NAALADL2: variants seen among roughly 807,000 people sequenced by gnomAD.
NAALADL2 encodes the protein N-acetylated alpha-linked acidic dipeptidase like 2.
Under a neutral mutation model 87.2 loss-of-function variants are expected in NAALADL2, and 76 were observed. The observed-to-expected ratio is 0.87, with a 90% CI of 0.72 to 1.05. The LOEUF (loss-of-function observed/expected upper bound fraction) is 1.05. Among genes scored for constraint, NAALADL2 ranks in the 50% least tolerant of loss-of-function variants. The pLI is 0.00. For missense variants in NAALADL2, 1,089 were observed against 945.8 expected (o/e 1.15, Z -1.99); for synonymous variants, 354 against 331.0 (o/e 1.07, Z -0.75).
At chr3:175,105,580 A>T (rs1553775294) in intron 2 of NAALADL2, among the ~76,000 whole-genome samples, 1 of 149,404 alleles carries the variant, frequency 6.7e-6, no homozygotes, top group Non-Finnish European at 1.5e-5. Context: ...TCATACACAC[A>T]CACATACACA....
chr3:175,046,482 T>C (rs1307974658), intron 1 of NAALADL2, among the ~76,000 whole-genome samples: 1 of 152,128 alleles, frequency 6.6e-6, no homozygotes, highest in Non-Finnish European at 1.5e-5. Flanking sequence ...GAATGTCTGG[T>C]TTATCTAAGC....
At chr3:175,697,776 C>A (rs143751990) in intron 11 of NAALADL2, among the ~76,000 whole-genome samples, 1,823 of 141,804 alleles carry the variant, frequency 0.013, 41 homozygotes, top group African/African-American at 0.046. Flanking sequence ...TACATATATA[C>A]ATATATATGT....
chr3:174,472,232 T>G (rs1716950181), intron 1 of NAALADL2, among the ~76,000 whole-genome samples: 1 of 152,220 alleles, frequency 6.6e-6, no homozygotes, highest in African/African-American at 2.4e-5. Context: ...AGTTGGCTCT[T>G]AGCTATGTTT....
At chr3:174,610,616 A>AT (rs1719727647) in intron 2 of NAALADL2, among the ~76,000 whole-genome samples, 1 of 152,110 alleles carries the variant, frequency 6.6e-6, no homozygotes, top group Non-Finnish European at 1.5e-5. Flanking sequence ...CCACAATGAG[A>AT]TACCATCTCA....
intron 2 of NAALADL2, among the ~76,000 whole-genome samples, chr3:174,611,161 G>C (rs866339234): frequency 2.2e-5 from 3 of 137,022 alleles, no homozygotes; most frequent in African/African-American, 8.3e-5. Context: ...TCTGGGGACT[G>C]TTGTGAGGTG....
intron 1 of NAALADL2, among the ~76,000 whole-genome samples, chr3:174,904,690 A>G (rs1355928889): frequency 6.6e-6 from 1 of 151,880 alleles, no homozygotes; most frequent in Non-Finnish European, 1.5e-5. Context: ...TACAAATGAA[A>G]GAGCATCCTA....
chr3:175,232,907 A>AG (rs11452572), intron 2 of NAALADL2, among the ~76,000 whole-genome samples: 103,155 of 151,960 alleles, frequency 0.68, 35,510 homozygotes, highest in Non-Finnish European at 0.73. Flanking sequence ...ATTAAAAAAA[A>AG]ACTTTCTCAG....
intron 9 of NAALADL2, among the ~76,000 whole-genome samples, chr3:175,542,631 A>G (rs1418202911): frequency 1.3e-5 from 2 of 152,184 alleles, no homozygotes; most frequent in African/African-American, 4.8e-5. Context: ...AAGTGCTGGG[A>G]TTACAGGCGT....
chr3:175,434,684 A>G (rs2149175060), intron 5 of NAALADL2, among the ~76,000 whole-genome samples: 1 of 152,172 alleles, frequency 6.6e-6, no homozygotes, highest in South Asian at 2.1e-4. Context: ...GCTATCTGTT[A>G]AAAATGTAAA....
At chr3:175,056,703 A>G (rs1172286663) in intron 1 of NAALADL2, among the ~76,000 whole-genome samples, 1 of 152,244 alleles carries the variant, frequency 6.6e-6, no homozygotes, top group African/African-American at 2.4e-5. Flanking sequence ...TATAGATTAT[A>G]GATTAACTAA....
intron 2 of NAALADL2, among the ~76,000 whole-genome samples, chr3:174,638,281 A>G (rs920823745): frequency 5.3e-5 from 8 of 152,194 alleles, no homozygotes; most frequent in African/African-American, 2.4e-5. Context: ...TTGGTAGGCC[A>G]TGGAGATAAC....
At chr3:175,726,909 G>A (rs914980813) in intron 11 of NAALADL2, among the ~76,000 whole-genome samples, 3 of 152,250 alleles carry the variant, frequency 2.0e-5, no homozygotes, top group East Asian at 1.9e-4. Flanking sequence ...ATCATGAGTT[G>A]CCTTCTTCTT....
intron 3 of NAALADL2, among the ~76,000 whole-genome samples, chr3:174,810,082 A>G (rs1465526253): frequency 6.6e-6 from 1 of 152,178 alleles, no homozygotes; most frequent in Admixed American, 6.5e-5. Flanking sequence ...AGCCTACAGA[A>G]CTGTGAGCCA....
chr3:175,292,544 T>C (rs1755761691), intron 4 of NAALADL2, among the ~76,000 whole-genome samples: 1 of 151,632 alleles, frequency 6.6e-6, no homozygotes, highest in Non-Finnish European at 1.5e-5. Flanking sequence ...TTGTCAGTGA[T>C]ACATTTAAAA....
chr3:175,389,394 T>G lies in NAALADL2; in HGVS notation c.1091-57835T>G, dbSNP rs147444872. Among the ~76,000 whole-genome samples, 342 of 152,318 alleles carry G rather than the reference T, an allele frequency of 2.2e-3. 2 individuals carry two copies. Among genetic ancestry groups the G allele is most frequent in the African/African-American group, 7.8e-3 (325 of 41,568 alleles). On this transcript the variant is annotated intron_variant, in intron 5 of 13. Coordinates refer to ENST00000454872, the MANE Select transcript of NAALADL2 (RefSeq NM_207015.3). ...CATCCACATTCTATTTGTTTATTTA[T>G]TTATTGTTCTGGCTTTATAAGTTAA... is the stretch of plus-strand genomic sequence containing the variant.
intron 11 of NAALADL2, among the ~76,000 whole-genome samples, chr3:175,691,376 G>A (rs116132328): frequency 0.025 from 3,720 of 150,518 alleles, 172 homozygotes; most frequent in African/African-American, 0.085. Flanking sequence ...TTATAATTTC[G>A]GATTCACTGT....
chr3:175,080,610 T>G (rs1243744225), intron 1 of NAALADL2, among the ~76,000 whole-genome samples: 1 of 152,210 alleles, frequency 6.6e-6, no homozygotes, highest in Non-Finnish European at 1.5e-5. Context: ...TACACATTAT[T>G]GGCTATAGGA....
chr3:175,097,124 A>G lies in NAALADL2; in HGVS notation c.378A>G (p.Leu126=), dbSNP rs776618339. ...KSNRCNFCHV[L]KILCTATILF... is the part of the protein sequence containing the mutation. ...ATCGCTGCAACTTTTGCCACGTCTT[A>G]AAAATACTTTGCACAGCCACCATTT... The change falls in exon 2 of 14, where the codon TTA becomes TTG. Residue 126 remains leucine (L), a synonymous_variant. Transcript: ENST00000454872. 3.1e-6 allele frequency: 5 copies of G among 1,613,676 alleles called. No individual in the cohort carries two copies. In the Admixed American group the frequency reaches 8.3e-5, roughly 27 times the overall value.
chr3:174,479,550 A>C (rs1023658618), intron 1 of NAALADL2, among the ~76,000 whole-genome samples: 14 of 152,112 alleles, frequency 9.2e-5, no homozygotes, highest in African/African-American at 3.4e-4. Context: ...TTTGAGGGGC[A>C]GGCGGGTGCA....
Sources: gnomAD v4.1 joint callset for allele counts (sites outside exome capture counted in the v4.1 genomes callset) on GRCh38, gnomAD v4.1.1 for gene constraint, MANE v1.5 for transcripts, NCBI Gene and HGNC (gene_info 2026-07-23, HGNC 2026-07-21) for gene names.